The following LRP1B variants were observed in gnomAD, a reference collection of about 807,000 sequenced individuals.
LRP1B encodes low-density lipoprotein receptor-related protein 1B.
In LRP1B, 217 loss-of-function variants were observed where a neutral mutation model predicts 556.6. The observed-to-expected ratio is 0.39, with a 90% CI of 0.35 to 0.44. The LOEUF is 0.44. LRP1B is among the 20% of genes least tolerant of loss of function. LRP1B has a pLI of 1.00. For missense variants in LRP1B, 5,053 were observed against 5,620.8 expected, an observed-to-expected ratio of 0.90 and a Z score of 3.23; for synonymous variants, 2,047 against 1,865.8, an observed-to-expected ratio of 1.10 and a Z score of -2.50.
At chr2:140,766,721 T>G (rs1689116952) in intron 35 of LRP1B, among the ~76,000 whole-genome samples, 2 of 150,244 alleles carry the variant, frequency 1.3e-5, no homozygotes, top group South Asian at 4.2e-4. Context: ...TTTTTTCTAT[T>G]CAGATAACTG....
At chr2:141,955,423 G>A (rs752674512) in intron 1 of LRP1B, among the ~76,000 whole-genome samples, 5 of 151,956 alleles carry the variant, frequency 3.3e-5, no homozygotes, top group South Asian at 2.1e-4. Context: ...CAGATTTATG[G>A]GTATTTAGGT....
chr2:141,431,682 G>A (rs1269132281), intron 3 of LRP1B, among the ~76,000 whole-genome samples: 1 of 152,000 alleles, frequency 6.6e-6, no homozygotes, highest in Non-Finnish European at 1.5e-5. Flanking sequence ...TAGGATATAT[G>A]TTTCTCATAT....
intron 41 of LRP1B, among the ~76,000 whole-genome samples, chr2:140,678,647 A>G (rs1464274971): frequency 6.6e-6 from 1 of 152,208 alleles, no homozygotes; most frequent in Non-Finnish European, 1.5e-5. Flanking sequence ...TAGGGCAGCC[A>G]TAACAAAATA....
rs544510457 is a variant in LRP1B, at chr2:142,018,379, A to G, written c.82+112269T>C. Among the ~76,000 whole-genome samples, 22 of 152,312 alleles carry G rather than the reference A, an allele frequency of 1.4e-4. No individual in the cohort carries two copies. In the East Asian group the frequency reaches 4.2e-3, roughly 29 times the overall value. ...ACACCTCAACTCTAAACTTTATAAC[A>G]TATGATAGAAGTGTGAATGGCAGTC... On this transcript the variant is annotated intron_variant, in intron 1 of 90. Coordinates refer to ENST00000389484, the MANE Select transcript of LRP1B (RefSeq NM_018557.3).
chr2:140,259,754 CAT>C (rs965823782), intron 86 of LRP1B, among the ~76,000 whole-genome samples: 6 of 151,912 alleles, frequency 3.9e-5, no homozygotes, highest in African/African-American at 1.4e-4. Context: ...GAGAAACAGA[CAT>C]ATAAATTTAA....
chr2:140,703,963 C>CAT (rs943779344), intron 37 of LRP1B, among the ~76,000 whole-genome samples: 1 of 152,152 alleles, frequency 6.6e-6, no homozygotes, highest in African/African-American at 2.4e-5. Flanking sequence ...GGGTGATGGA[C>CAT]ATATGAGTGC....
intron 3 of LRP1B, among the ~76,000 whole-genome samples, chr2:141,276,294 C>CT (rs58497853): frequency 0.098 from 14,706 of 149,416 alleles, 831 homozygotes; most frequent in East Asian, 0.15. Context: ...ATAATTTTTA[C>CT]TTTTTTTTTT....
At chr2:141,271,127 G>C (rs75861620) in intron 3 of LRP1B, among the ~76,000 whole-genome samples, 3,964 of 151,948 alleles carry the variant, frequency 0.026, 212 homozygotes, top group African/African-American at 0.091. Context: ...AATTTTATTT[G>C]AGGGGTTTCA....
Position 141,730,469 on chromosome 2 carries a change from A to G in LRP1B, c.205+79810T>C, listed in dbSNP as rs74967693. On this transcript the variant is annotated intron_variant, in intron 2 of 90. Transcript: ENST00000389484. ...TAAACTACTGGAAAATGCTACTTTA[A>G]CCCATTGAATGCCATGATACGTGCT... Among the ~76,000 whole-genome samples the G allele has an allele frequency of 8.1e-3, 1,237 of 152,260 alleles. 4 individuals carry two copies. Among genetic ancestry groups the G allele is most frequent in the Middle Eastern group, 0.034 (10 of 294 alleles).
chr2:141,406,581 T>TCTAC (rs1690648206), intron 3 of LRP1B, among the ~76,000 whole-genome samples: 1 of 151,882 alleles, frequency 6.6e-6, no homozygotes, highest in African/African-American at 2.4e-5. Context: ...TATCTATCTA[T>TCTAC]CTATCTATCT....
chr2:140,549,186 A>G (rs1036248382), intron 43 of LRP1B, among the ~76,000 whole-genome samples: 1 of 152,154 alleles, frequency 6.6e-6, no homozygotes, highest in Non-Finnish European at 1.5e-5. Flanking sequence ...ACTTGGATTC[A>G]CTAGGTCAGG....
intron 77 of LRP1B, among the ~76,000 whole-genome samples, chr2:140,345,876 AT>A (rs959913539): frequency 1.7e-4 from 25 of 145,780 alleles, no homozygotes; most frequent in Admixed American, 1.5e-3. Context: ...ATATATATAT[AT>A]AAAAAAAATA....
intron 7 of LRP1B, among the ~76,000 whole-genome samples, chr2:141,154,598 A>G (rs1702019368): frequency 6.6e-6 from 1 of 151,874 alleles, no homozygotes; most frequent in Admixed American, 6.6e-5. Context: ...TGCTTATTAT[A>G]TACCTTTAAA....
At chr2:140,540,293 A>C (rs1014375367) in intron 45 of LRP1B, among the ~76,000 whole-genome samples, 1 of 152,142 alleles carries the variant, frequency 6.6e-6, no homozygotes, top group Admixed American at 6.6e-5. Context: ...TTATACATAA[A>C]TTGCCTTAAC....
At chr2:140,353,152 A>C in intron 75 of LRP1B, 80 bp from the exon 76 acceptor site, 1 of 1,441,274 alleles carries the variant, frequency 6.9e-7, no homozygotes. Flanking sequence ...AAAAAGCCAA[A>C]ATTATTTTTA....
intron 2 of LRP1B, among the ~76,000 whole-genome samples, chr2:141,684,178 C>T (rs1017415196): frequency 6.6e-6 from 1 of 151,992 alleles, no homozygotes; most frequent in Non-Finnish European, 1.5e-5. Context: ...GCACTGTTCA[C>T]TATAGCAAAG....
chr2:140,666,706 T>G (rs1370020407), intron 41 of LRP1B, among the ~76,000 whole-genome samples: 1 of 152,220 alleles, frequency 6.6e-6, no homozygotes, highest in Admixed American at 6.5e-5. Flanking sequence ...AAATCTTGGC[T>G]TTAAAATGAG....
rs1443522724 is a variant in LRP1B, at chr2:140,356,433, T to A, written c.11439A>T (p.Gly3813=). 1.9e-6 allele frequency: 3 copies of A among 1,607,950 alleles called. No individual in the cohort carries two copies. ...TTATTTGATTACAATATGCATCATC[T>A]CCACATGGATTCACATTATCTTCAC... ...YTCEDNVNPC[G]DDAYCNQIKT... Residue 3813 remains glycine (G), a synonymous_variant, in exon 75 of 91, where the codon GGA becomes GGT. Transcript: ENST00000389484.
In LRP1B at chr2:140,335,615, CCT is replaced by C. The variant is rs1433989344; in HGVS notation, c.12114_12115del (p.Gly4039AspfsTer43). 1 of 1,566,348 alleles carries C rather than the reference CCT, an allele frequency of 6.4e-7. No homozygotes were observed. The highest frequency in any genetic ancestry group is 8.8e-7 in the Non-Finnish European group (1 of 1,137,200). On this transcript the variant is annotated frameshift_variant and splice_region_variant, in exon 78 of 91. Coordinates refer to ENST00000389484, the MANE Select transcript of LRP1B (RefSeq NM_018557.3). LOFTEE classifies it high-confidence loss of function. ...TAGAAATACTAAGCCATTAACCTAC[CCT>C]CTTTTAGGATTTACTGCAATAGCAT...
Sources: gnomAD v4.1 joint callset for allele counts (sites outside exome capture counted in the v4.1 genomes callset) on GRCh38, gnomAD v4.1.1 for gene constraint, MANE v1.5 for transcripts, NCBI Gene and HGNC (gene_info 2026-07-23, HGNC 2026-07-21) for gene names.